Variants in UNC79 observed in about 807,000 individuals in gnomAD.
UNC79 encodes the protein protein unc-79 homolog.
A neutral mutation model predicts 283.1 loss-of-function variants in UNC79; 37 were observed. The ratio of observed to expected loss-of-function variants is 0.13; its 90% confidence interval spans 0.10 to 0.17. UNC79 has a LOEUF of 0.17. Among genes scored for constraint, UNC79 ranks in the 10% least tolerant of loss-of-function variants. UNC79 has a pLI of 1.00. For synonymous variants in UNC79, 1,107 were observed against 1,200.2 expected (o/e 0.92, Z 1.61); for missense variants, 2,272 against 3,211.1 (o/e 0.71, Z 7.07).
intron 1 of UNC79, among the ~76,000 whole-genome samples, chr14:93,415,737 G>A (rs1487453787): frequency 6.6e-6 from 1 of 151,510 alleles, no homozygotes; most frequent in African/African-American, 2.4e-5. Context: ...CTTCTTCCTG[G>A]TTTAGTCTTG....
intron 4 of UNC79, among the ~76,000 whole-genome samples, chr14:93,478,051 G>A (rs987804416): frequency 1.3e-5 from 2 of 152,190 alleles, no homozygotes; most frequent in African/African-American, 4.8e-5. Flanking sequence ...GGAAAGTATT[G>A]TCTCAGATGC....
intron 2 of UNC79, among the ~76,000 whole-genome samples, chr14:93,473,228 A>G (rs2057617210): frequency 6.6e-6 from 1 of 152,110 alleles, no homozygotes; most frequent in Non-Finnish European, 1.5e-5. Flanking sequence ...CAGCTATATG[A>G]CAGATACTGC....
chr14:93,618,312 A>G lies in UNC79; in HGVS notation c.4345A>G (p.Ser1449Gly), dbSNP rs377416512. ...CCATGCCACGGCAGGACCTTTGTAC[A>G]GTGACAACAGTAACATAAGCAGATA... Residue 1449 changes from serine (S) to glycine (G), a missense_variant, in exon 29 of 49, where the codon AGT becomes GGT. By Grantham distance (56) the Ser-to-Gly change is moderately conservative (BLOSUM62 0). Coordinates refer to ENST00000555664, the Ensembl canonical transcript of UNC79. 1 of 1,613,886 alleles carries G rather than the reference A, an allele frequency of 6.2e-7. No homozygotes were observed. The highest frequency in any genetic ancestry group is 8.5e-7 in the Non-Finnish European group (1 of 1,179,924).
intron 1 of UNC79, chr14:93,347,486 C>A: frequency 7.5e-7 from 1 of 1,330,036 alleles, no homozygotes; most frequent in Non-Finnish European, 9.7e-7. Flanking sequence ...ACACGGCGTG[C>A]AGGCCTCGCG....
At chr14:93,638,027 A>C (rs1596181526) in intron 32 of UNC79, among the ~76,000 whole-genome samples, 1 of 152,254 alleles carries the variant, frequency 6.6e-6, no homozygotes, top group South Asian at 2.1e-4. Context: ...ATCTGTGCTA[A>C]GGTCAGAATA....
In UNC79 at chr14:93,621,138, TA is replaced by T; in HGVS notation, c.4388-481del. Reference sequence around the variant, plus strand: ...AATTTTATTATGTTACTACACATTTTAATACCGTTGATTTATATATATGTAT... The same window carrying T: ...AATTTTATTATGTTACTACACATTTTATACCGTTGATTTATATATATGTAT... On this transcript the variant is annotated intron_variant, in intron 29 of 48. Coordinates refer to ENST00000555664, the Ensembl canonical transcript of UNC79. The surrounding 1 kb of genome is among the most constrained non-coding windows in gnomAD (Gnocchi z 4.8). The T allele has an allele frequency of 2.5e-6, 1 of 400,664 alleles. No individual in the cohort carries two copies. Among genetic ancestry groups the T allele is most frequent in the Non-Finnish European group, 4.9e-6 (1 of 204,508 alleles). 24.8% of individuals were successfully genotyped at this position (400,664 alleles called of 1,614,324 possible). A position where few individuals can be genotyped will look rare whatever the true frequency, so the allele number is the denominator to read the frequency against.
At chr14:93,549,495 A>G (rs1453497399) in intron 14 of UNC79, among the ~76,000 whole-genome samples, 2 of 152,200 alleles carry the variant, frequency 1.3e-5, no homozygotes. Flanking sequence ...AATCACGTAC[A>G]CCTGAAAGCA....
intron 1 of UNC79, among the ~76,000 whole-genome samples, chr14:93,413,715 C>T: frequency 1.0e-5 from 1 of 99,990 alleles, no homozygotes; most frequent in Non-Finnish European, 2.1e-5. Flanking sequence ...TAATGATTGC[C>T]ATTCTAACTG....
At chr14:93,669,350 G>A (rs949783185) in intron 40 of UNC79, among the ~76,000 whole-genome samples, 2 of 152,198 alleles carry the variant, frequency 1.3e-5, no homozygotes, top group East Asian at 3.8e-4. Flanking sequence ...ATTCAGAGGT[G>A]TTAGCCCAGC....
At chr14:93,602,359 G>A (rs1269143742) in intron 25 of UNC79, among the ~76,000 whole-genome samples, 7 of 152,076 alleles carry the variant, frequency 4.6e-5, no homozygotes. Context: ...TGAATACAGT[G>A]TCCTCTCCCC....
At chr14:93,430,068 C>T (rs1014873854), upstream of UNC79, among the ~76,000 whole-genome samples, 2 of 152,214 alleles carry the variant, frequency 1.3e-5, no homozygotes, top group Non-Finnish European at 2.9e-5. This position sits in a 1 kb window ranked among gnomAD's most constrained non-coding sequence, Gnocchi z 4.6. Context: ...CTATTGCCTT[C>T]CTTTCCCGCT....
At chr14:93,597,156 A>T (rs1265921257) in intron 23 of UNC79, among the ~76,000 whole-genome samples, 1 of 152,230 alleles carries the variant, frequency 6.6e-6, no homozygotes, top group African/African-American at 2.4e-5. Flanking sequence ...GAGTAGAAAG[A>T]GTCTCTGCTG....
intron 1 of UNC79, among the ~76,000 whole-genome samples, chr14:93,358,893 C>T (rs2054163650): frequency 6.6e-6 from 1 of 152,198 alleles, no homozygotes; most frequent in Non-Finnish European, 1.5e-5. Flanking sequence ...TATAACTAGA[C>T]TAAAGTCCCA....
At chr14:93,699,425 C>G (rs539564683) in intron 47 of UNC79, among the ~76,000 whole-genome samples, 4 of 152,250 alleles carry the variant, frequency 2.6e-5, no homozygotes, top group African/African-American at 9.6e-5. Flanking sequence ...CTCTAAATTT[C>G]CTTTCAATAC....
chr14:93,404,493 A>AAAAAAAAAAAAAAAAATATAT, intron 1 of UNC79, among the ~76,000 whole-genome samples: 1 of 61,512 alleles, frequency 1.6e-5, no homozygotes, highest in Non-Finnish European at 3.2e-5. Flanking sequence ...TTCTAAAAAA[A>AAAAAAAAAAAAAAAAATATAT]ATATATATAT....
chr14:93,425,844 G>C (rs1001618519), upstream of UNC79, among the ~76,000 whole-genome samples: 1 of 152,126 alleles, frequency 6.6e-6, no homozygotes, highest in African/African-American at 2.4e-5. Context: ...TGGTAGGCTG[G>C]TTAAACTTGG....
chr14:93,334,769 G>C (rs3759715), intron 1 of UNC79: 11 of 152,196 alleles, frequency 7.2e-5, no homozygotes, highest in Non-Finnish European at 1.3e-4. Context: ...TCCACAGGAC[G>C]GACAGGCAGA....
At chr14:93,540,694 C>A in exon 13 of UNC79, 1 of 1,613,606 alleles carries the variant, frequency 6.2e-7, no homozygotes. Flanking sequence ...TGCTGAGCAG[C>A]GAGAACATGA....
chr14:93,347,542 G>C, intron 1 of UNC79: 1 of 1,022,924 alleles, frequency 9.8e-7, no homozygotes, highest in South Asian at 2.2e-5. Context: ...GGTTCCTGTG[G>C]CTTGGTCGCC....
Sources: gnomAD v4.1 joint callset for allele counts (sites outside exome capture counted in the v4.1 genomes callset) on GRCh38, gnomAD v4.1.1 for gene constraint, Gnocchi (gnomAD v3.1) non-coding constraint, MANE v1.5 for transcripts, NCBI Gene and HGNC (gene_info 2026-07-23, HGNC 2026-07-21) for gene names.